Variants in C6 observed in about 807,000 individuals in gnomAD.
C6 encodes the protein complement component C6.
C6 carries 101 observed loss-of-function variants against 112.9 expected under a neutral mutation model. The ratio of observed to expected loss-of-function variants is 0.89; its 90% CI spans 0.76 to 1.06. C6 has a LOEUF of 1.06. Among genes scored for constraint, C6 ranks in the 50% least tolerant of loss-of-function variants. The probability of loss-of-function intolerance (pLI) is 0.00; values close to 1 mark genes in which losing one functional copy is unlikely to be tolerated. For missense variants in C6, 1,202 were observed against 1,104.6 expected (o/e 1.09, Z -1.25); for synonymous variants, 431 against 384.1 (o/e 1.12, Z -1.43).
chr5:41,200,266 A>G (rs927939597), intron 3 of C6, among the ~76,000 whole-genome samples: 1 of 152,204 alleles, frequency 6.6e-6, no homozygotes, highest in Non-Finnish European at 1.5e-5. Context: ...GCCTTTCTGT[A>G]TCTTAAAGAT....
In C6 at chr5:41,150,020, G is replaced by C. The variant is rs374161182; in HGVS notation, c.2296C>G (p.Leu766Val). The change falls in exon 16 of 18, where the codon CTA becomes GTA. Residue 766 changes from leucine (L) to valine (V), a missense_variant. Physicochemically the swap from Leu to Val is conservative, Grantham distance 32. Transcript: ENST00000337836. ...TGACAATGGCCTTTTAATTTTGTTA[G>C]AGTATCTGAAACAAAAGAAAAAAGG... The part of the protein sequence containing the change: ...SNSLTCEKDT[L>V]TKLKGHCQLG... 2.5e-6 allele frequency: 4 copies of C among 1,606,478 alleles called. No individual in the cohort carries two copies. Among genetic ancestry groups the C allele is most frequent in the Non-Finnish European group, 2.6e-6 (3 of 1,173,386 alleles).
chr5:41,176,514 G>A lies in C6; in HGVS notation c.1129C>T (p.Leu377Phe). The A allele has an allele frequency of 6.2e-7, 1 of 1,613,758 alleles. No individual in the cohort carries two copies. Among genetic ancestry groups the A allele is most frequent in the Non-Finnish European group, 8.5e-7 (1 of 1,179,788 alleles). Residue 377 changes from leucine (L) to phenylalanine (F), a missense_variant, in exon 8 of 18, where the codon CTT (leucine) becomes TTT (phenylalanine). Physicochemically the swap from Leu to Phe is conservative, Grantham distance 22. Transcript: ENST00000337836. ...TCCTCACTGCTAAACTGATAGAGAA[G>A]GTCATACACGCCTCCCAGGGAGCCA... is the stretch of plus-strand genomic sequence containing the variant. Reference protein sequence around the residue: ...TSGSLGGVYDLLYQFSSEELK... With the variant: ...TSGSLGGVYDFLYQFSSEELK...
intron 1 of C6, among the ~76,000 whole-genome samples, chr5:41,231,302 A>G (rs1739882727): frequency 6.6e-6 from 1 of 151,822 alleles, no homozygotes; most frequent in Non-Finnish European, 1.5e-5. Flanking sequence ...TTACTTTGAG[A>G]TATTTATGAT....
At chr5:41,184,239 G>T (rs1223578402) in intron 6 of C6, among the ~76,000 whole-genome samples, 1 of 152,098 alleles carries the variant, frequency 6.6e-6, no homozygotes, top group African/African-American at 2.4e-5. Context: ...GCACATCATT[G>T]TCTAACTTCA....
intron 17 of C6, among the ~76,000 whole-genome samples, 159 bp from the exon 18 acceptor site, chr5:41,143,165 A>G (rs962303344): frequency 6.6e-6 from 1 of 151,952 alleles, no homozygotes; most frequent in Non-Finnish European, 1.5e-5. Flanking sequence ...ATAAAAATTA[A>G]AAACAAAACA....
At chr5:41,209,661 G>T (rs1751732997) in intron 1 of C6, among the ~76,000 whole-genome samples, 1 of 152,144 alleles carries the variant, frequency 6.6e-6, no homozygotes, top group South Asian at 2.1e-4. Context: ...ACTTACAAGG[G>T]ATGTGAAGGA....
intron 16 of C6, 31 bp from the exon 17 acceptor site, chr5:41,149,513 T>G: frequency 6.2e-7 from 1 of 1,612,664 alleles, no homozygotes. Flanking sequence ...AGCATTTCTA[T>G]ATGAAGATCA....
chr5:41,180,249 T>A (rs1749215292), intron 7 of C6, among the ~76,000 whole-genome samples: 1 of 152,202 alleles, frequency 6.6e-6, no homozygotes, highest in Non-Finnish European at 1.5e-5. Flanking sequence ...TCTCATTAAC[T>A]CTGACATTGG....
intron 1 of C6, among the ~76,000 whole-genome samples, chr5:41,250,331 G>A (rs2004385): frequency 0.17 from 25,654 of 152,032 alleles, 2,629 homozygotes; most frequent in South Asian, 0.35. Flanking sequence ...TAAAATTACC[G>A]GCATGAGTTA....
chr5:41,144,237 G>A (rs73750291), intron 17 of C6, among the ~76,000 whole-genome samples: 3,283 of 152,154 alleles, frequency 0.022, 125 homozygotes, highest in African/African-American at 0.074. Flanking sequence ...GCATTTCATA[G>A]CAACATAACC....
upstream of C6, among the ~76,000 whole-genome samples, chr5:41,218,459 A>G (rs1580216073): frequency 1.3e-5 from 2 of 152,212 alleles, no homozygotes; most frequent in East Asian, 3.8e-4. Flanking sequence ...AAACAAAATA[A>G]ATAAATGAAT....
Position 41,195,818 on chromosome 5 carries a change from G to T in C6, c.561C>A (p.Ile187=), listed in dbSNP as rs1750569033. The part of the protein sequence containing the change: ...KAVCTRKYNP[I]PSVQLMGNGF... Reference sequence around the variant, plus strand: ...CATTGCCCATCAACTGTACACTAGGGATGGGATTATACTTCCGTGTGCATA... The same window carrying T: ...CATTGCCCATCAACTGTACACTAGGTATGGGATTATACTTCCGTGTGCATA... The change falls in exon 5 of 18, where the codon ATC becomes ATA. Residue 187 remains isoleucine (I), a synonymous_variant. Transcript: ENST00000337836. 1.2e-6 allele frequency: 2 copies of T among 1,613,848 alleles called. No homozygotes were observed. The highest frequency in any genetic ancestry group is 1.1e-5 in the South Asian group (1 of 91,084).
intron 6 of C6, 58 bp downstream of exon 6, chr5:41,186,012 A>G (rs914229568): frequency 6.2e-7 from 1 of 1,606,762 alleles, no homozygotes; most frequent in Non-Finnish European, 8.5e-7. Flanking sequence ...TTTGCATGAG[A>G]AATTTAGCTT....
At chr5:41,184,101 G>A (rs1384748500) in intron 6 of C6, among the ~76,000 whole-genome samples, 1 of 151,066 alleles carries the variant, frequency 6.6e-6, no homozygotes, top group East Asian at 1.9e-4. Flanking sequence ...TGACAAACTC[G>A]CATATGTATT....
chr5:41,216,050 A>T (rs1302003555), upstream of C6, among the ~76,000 whole-genome samples: 3 of 152,138 alleles, frequency 2.0e-5, no homozygotes, highest in African/African-American at 7.2e-5. Flanking sequence ...GAACTATTTC[A>T]ATTGGGGGAT....
chr5:41,221,433 A>G lies in C6; in HGVS notation c.-20-18183T>C, dbSNP rs74533073. On this transcript the variant is annotated intron_variant, in intron 1 of 17. Transcript: ENST00000263413. Reference sequence around the variant, plus strand: ...ATCTGATGCAATCACATTCTTTAGAATTTAATTTCTCCTGTGTCGTTTTCA... The same window carrying G: ...ATCTGATGCAATCACATTCTTTAGAGTTTAATTTCTCCTGTGTCGTTTTCA... Among the ~76,000 whole-genome samples, 589 of 152,302 alleles carry G rather than the reference A, an allele frequency of 3.9e-3. 6 individuals are homozygous for G. Among genetic ancestry groups the G allele is most frequent in the African/African-American group, 0.013 (538 of 41,570 alleles).
At chr5:41,216,073 C>T (rs1003850405), upstream of C6, among the ~76,000 whole-genome samples, 5 of 152,070 alleles carry the variant, frequency 3.3e-5, no homozygotes, top group Non-Finnish European at 7.4e-5. Context: ...TAGATCAAAA[C>T]TCTCAAATAT....
chr5:41,168,451 A>C (rs962780891), intron 9 of C6, among the ~76,000 whole-genome samples: 2 of 152,168 alleles, frequency 1.3e-5, no homozygotes, highest in Non-Finnish European at 2.9e-5. Context: ...AACTTTTAGC[A>C]GAAAAATGCC....
chr5:41,177,399 G>T (rs1368527043), intron 7 of C6, among the ~76,000 whole-genome samples: 1 of 152,002 alleles, frequency 6.6e-6, no homozygotes, highest in African/African-American at 2.4e-5. Flanking sequence ...CAGGTTAATT[G>T]AGAATTAGCT....
Sources: allele counts gnomAD v4.1 joint callset (sites outside exome capture counted in the v4.1 genomes callset), GRCh38; gene constraint gnomAD v4.1.1; transcripts MANE v1.5; gene names NCBI Gene and HGNC (gene_info 2026-07-23, HGNC 2026-07-21).